Variants in SDK1 observed in about 807,000 individuals in gnomAD.
SDK1 encodes the protein protein sidekick-1.
A neutral mutation model predicts 245.5 loss-of-function variants in SDK1; 157 were observed. The observed-to-expected ratio is 0.64, with a 90% CI of 0.56 to 0.73. The LOEUF (loss-of-function observed/expected upper bound fraction) is 0.73, where lower values mean the gene tolerates loss of function less well. SDK1 is among the 30% of genes least tolerant of loss of function. SDK1 has a pLI of 0.00. For missense variants in SDK1, 3,583 were observed against 3,002.3 expected, an observed-to-expected ratio of 1.19 and a Z score of -4.52; for synonymous variants, 1,647 against 1,278.5, an observed-to-expected ratio of 1.29 and a Z score of -6.15.
intron 5 of SDK1, among the ~76,000 whole-genome samples, chr7:3,902,774 A>G (rs1236360240): frequency 1.3e-5 from 2 of 152,222 alleles, no homozygotes; most frequent in Non-Finnish European, 2.9e-5. Flanking sequence ...GCTGTTTTCA[A>G]AGTTCCTGGT....
At chr7:4,228,047 G>A (rs17134644) in intron 40 of SDK1, among the ~76,000 whole-genome samples, 3,049 of 152,252 alleles carry the variant, frequency 0.02, 52 homozygotes, top group Non-Finnish European at 0.024. Context: ...AAATCACGCC[G>A]TAAAAAATGA....
intron 4 of SDK1, among the ~76,000 whole-genome samples, chr7:3,793,481 G>C (rs1032535596): frequency 2.6e-5 from 4 of 152,244 alleles, no homozygotes; most frequent in East Asian, 3.9e-4. Flanking sequence ...CTCATGAAAG[G>C]CTTCCTCGTG....
At chr7:3,774,721 C>A (rs898297940) in intron 4 of SDK1, among the ~76,000 whole-genome samples, 1 of 152,056 alleles carries the variant, frequency 6.6e-6, no homozygotes, top group Non-Finnish European at 1.5e-5. Flanking sequence ...TTTTTATAAT[C>A]TGAAAAAAAT....
intron 1 of SDK1, among the ~76,000 whole-genome samples, chr7:3,509,842 A>G (rs774615987): frequency 6.6e-6 from 1 of 152,210 alleles, no homozygotes; most frequent in Non-Finnish European, 1.5e-5. Flanking sequence ...TAAATTATAG[A>G]GAATGGAATG....
chr7:3,310,829 C>A (rs1267324667), intron 1 of SDK1, among the ~76,000 whole-genome samples: 1 of 152,142 alleles, frequency 6.6e-6, no homozygotes, highest in Admixed American at 6.5e-5. Flanking sequence ...GCTTTGCATC[C>A]TTGGGTTGGC....
At chr7:4,014,510 A>G (rs1053968267) in intron 16 of SDK1, among the ~76,000 whole-genome samples, 12 of 152,238 alleles carry the variant, frequency 7.9e-5, no homozygotes, top group African/African-American at 2.9e-4. Flanking sequence ...TCTGCACATC[A>G]GCTCTCTGTT....
rs1783932394 is a variant in SDK1 at position 3,987,287 on chromosome 7, C to G, written c.2096C>G (p.Pro699Arg). 1.2e-6 allele frequency: 2 copies of G among 1,613,958 alleles called. No homozygotes were observed. Among genetic ancestry groups the G allele is most frequent in the Non-Finnish European group, 1.7e-6 (2 of 1,179,952 alleles). ...GTCCGGCCCTTTGATGGAAACAGTC[C>G]TATTCTTTATTACATCGTGGAGCTC... is the stretch of plus-strand genomic sequence containing the variant. ...SWVRPFDGNS[P>R]ILYYIVELSE... Residue 699 changes from proline (P) to arginine (R), a missense_variant, in exon 14 of 45, where the codon CCT becomes CGT. By Grantham distance (103) the Pro-to-Arg change is moderately radical. Coordinates refer to ENST00000404826, the MANE Select transcript of SDK1 (RefSeq NM_152744.4).
chr7:3,656,247 CAAGT>C (rs1389246244), intron 4 of SDK1, among the ~76,000 whole-genome samples: 1 of 152,180 alleles, frequency 6.6e-6, no homozygotes, highest in Non-Finnish European at 1.5e-5. Context: ...TTGGGAAACT[CAAGT>C]GAGTCCCACT....
At chr7:3,745,554 AAAT>A (rs1483539291) in intron 4 of SDK1, among the ~76,000 whole-genome samples, 1 of 151,956 alleles carries the variant, frequency 6.6e-6, no homozygotes, top group Non-Finnish European at 1.5e-5. Context: ...GTGTGTGTGT[AAAT>A]AATTCTAAAT....
intron 4 of SDK1, among the ~76,000 whole-genome samples, chr7:3,674,466 G>C (rs1191376229): frequency 6.6e-6 from 1 of 152,104 alleles, no homozygotes; most frequent in Non-Finnish European, 1.5e-5. Context: ...TGACAATACA[G>C]GGGCCTTTGC....
chr7:3,530,238 C>A (rs895184938), intron 1 of SDK1, among the ~76,000 whole-genome samples: 1 of 152,122 alleles, frequency 6.6e-6, no homozygotes. Flanking sequence ...GCCTTAGAAA[C>A]GACCCATTTC....
chr7:3,533,641 G>A (rs576760110), intron 1 of SDK1, among the ~76,000 whole-genome samples: 2 of 151,926 alleles, frequency 1.3e-5, no homozygotes, highest in African/African-American at 2.4e-5. Context: ...AGTTTTTTTG[G>A]TATTATTTCT....
intron 21 of SDK1, among the ~76,000 whole-genome samples, chr7:4,078,952 G>A (rs13230345): frequency 0.33 from 49,693 of 151,856 alleles, 11,454 homozygotes; most frequent in African/African-American, 0.66. Context: ...GATCCTGACC[G>A]GGTGTCACGT....
At chr7:4,209,343 G>A (rs569563747) in intron 37 of SDK1, among the ~76,000 whole-genome samples, 2 of 152,308 alleles carry the variant, frequency 1.3e-5, no homozygotes, top group Admixed American at 1.3e-4. Flanking sequence ...GCACCAGGGC[G>A]AGGAGAGTAG....
intron 1 of SDK1, among the ~76,000 whole-genome samples, chr7:3,459,710 C>T (rs1469820341): frequency 2.0e-5 from 3 of 152,220 alleles, no homozygotes; most frequent in African/African-American, 7.2e-5. Flanking sequence ...TCACATGAAC[C>T]TCCTGGTCGA....
intron 5 of SDK1, among the ~76,000 whole-genome samples, chr7:3,945,341 T>A (rs1780532111): frequency 1.3e-5 from 2 of 152,178 alleles, no homozygotes; most frequent in African/African-American, 4.8e-5. Flanking sequence ...TTCATTCATA[T>A]GTATAAAAGG....
chr7:3,601,787 A>G (rs983683051), intron 1 of SDK1, among the ~76,000 whole-genome samples: 5 of 150,326 alleles, frequency 3.3e-5, no homozygotes, highest in African/African-American at 1.2e-4. Flanking sequence ...TTAACTCGTC[A>G]TTTAGCATTA....
At chr7:3,615,742 T>C (rs988603789) in intron 1 of SDK1, among the ~76,000 whole-genome samples, 1 of 151,694 alleles carries the variant, frequency 6.6e-6, no homozygotes, top group African/African-American at 2.4e-5. Context: ...ACTATTGCTT[T>C]AAAGCGGATC....
chr7:4,240,100 TA>T (rs1463679861), intron 42 of SDK1, among the ~76,000 whole-genome samples: 1 of 152,220 alleles, frequency 6.6e-6, no homozygotes, highest in Non-Finnish European at 1.5e-5. Flanking sequence ...CTGAGGGATT[TA>T]CAGTGTATGA....
Sources: allele counts gnomAD v4.1 joint callset (sites outside exome capture counted in the v4.1 genomes callset), GRCh38; gene constraint gnomAD v4.1.1; transcripts MANE v1.5; gene names NCBI Gene and HGNC (gene_info 2026-07-23, HGNC 2026-07-21).